The following ASIC2 variants were observed in gnomAD, a reference collection of about 807,000 sequenced individuals.
ASIC2 encodes acid-sensing ion channel 2.
In ASIC2, 25 loss-of-function variants were observed where a neutral mutation model predicts 57.3. That is an observed-to-expected ratio of 0.44 (90% confidence interval 0.32 to 0.61). ASIC2 has a LOEUF of 0.61. Among genes scored for constraint, ASIC2 ranks in the 20% least tolerant of loss-of-function variants. The pLI is 0.06. For synonymous variants in ASIC2, 319 were observed against 307.5 expected (o/e 1.04, Z -0.39); for missense variants, 641 against 738.1 (o/e 0.87, Z 1.52).
At chr17:33,912,111 G>T (rs1237630811) in intron 1 of ASIC2, among the ~76,000 whole-genome samples, 1 of 124,432 alleles carries the variant, frequency 8.0e-6, no homozygotes, top group Non-Finnish European at 1.6e-5. Flanking sequence ...TTGCACTCCA[G>T]CCTGGGTAAC....
chr17:33,030,604 A>G (rs1161906773), intron 3 of ASIC2, among the ~76,000 whole-genome samples: 4 of 152,102 alleles, frequency 2.6e-5, no homozygotes, highest in African/African-American at 9.7e-5. Context: ...TTTCCATCTT[A>G]GGAAGGAGGG....
chr17:33,658,734 A>C (rs1013305523), intron 1 of ASIC2, among the ~76,000 whole-genome samples: 6 of 152,140 alleles, frequency 3.9e-5, no homozygotes, highest in Admixed American at 1.3e-4. Flanking sequence ...TGCGGCTCAC[A>C]CCTGTAATCC....
chr17:33,512,230 A>G (rs944009887), intron 1 of ASIC2, among the ~76,000 whole-genome samples: 1 of 152,242 alleles, frequency 6.6e-6, no homozygotes. Context: ...ATGCTGAAAG[A>G]GAAGCATCTT....
At chr17:33,356,625 C>T (rs893545343) in intron 1 of ASIC2, among the ~76,000 whole-genome samples, 24 of 152,120 alleles carry the variant, frequency 1.6e-4, no homozygotes, top group South Asian at 4.1e-4. Flanking sequence ...ACTTTTAACA[C>T]GGAGCGTGTT....
chr17:33,442,262 T>A (rs1003139930), intron 1 of ASIC2, among the ~76,000 whole-genome samples: 12 of 152,216 alleles, frequency 7.9e-5, no homozygotes, highest in African/African-American at 2.9e-4. Context: ...CTATCTTATA[T>A]CCTTTAAATT....
chr17:33,153,884 T>G (rs749740935), intron 1 of ASIC2, among the ~76,000 whole-genome samples: 5 of 152,180 alleles, frequency 3.3e-5, no homozygotes, highest in Non-Finnish European at 7.3e-5. Flanking sequence ...TTGGGTTAGC[T>G]CTGAAGGGCC....
At chr17:33,196,601 G>C (rs1398920669) in intron 1 of ASIC2, among the ~76,000 whole-genome samples, 1 of 152,284 alleles carries the variant, frequency 6.6e-6, no homozygotes, top group Non-Finnish European at 1.5e-5. Flanking sequence ...TGGAGCCTGG[G>C]TCACGGCAAT....
Position 33,606,610 on chromosome 17 carries a change from CACTG to C in ASIC2, c.556-494547_556-494544del, listed in dbSNP as rs536479772. 5.1e-3 allele frequency among the ~76,000 whole-genome samples: 779 copies of C among 152,282 alleles called. 1 individual carries two copies. The highest frequency in any genetic ancestry group is 0.014 in the Middle Eastern group (4 of 294). On this transcript the variant is annotated intron_variant, in intron 1 of 9. Coordinates refer to the ASIC2 transcript ENST00000359872. ...GTGGTCTGTGCTTCTTCTCCAACTA[CACTG>C]TTGAGGGCATGGCAGTGTCTATGTA...
At chr17:33,159,701 C>G (rs1051777521) in intron 1 of ASIC2, among the ~76,000 whole-genome samples, 8 of 152,142 alleles carry the variant, frequency 5.3e-5, no homozygotes, top group African/African-American at 1.9e-4. Flanking sequence ...CAATATGGGG[C>G]TGGTTTGAAG....
chr17:33,263,313 C>T (rs1007320683), intron 1 of ASIC2, among the ~76,000 whole-genome samples: 1 of 152,222 alleles, frequency 6.6e-6, no homozygotes, highest in Non-Finnish European at 1.5e-5. Flanking sequence ...CTCACTCTCA[C>T]CATGGGCTGT....
intron 1 of ASIC2, among the ~76,000 whole-genome samples, chr17:33,372,536 C>G (rs1339982554): frequency 6.6e-6 from 1 of 152,178 alleles, no homozygotes; most frequent in Non-Finnish European, 1.5e-5. Context: ...AACTACCGCC[C>G]TTCCCAGCAT....
rs539372945 is a variant in ASIC2, at chr17:33,226,740, G to C, written c.708+64668C>G. Among the ~76,000 whole-genome samples the C allele has an allele frequency of 2.2e-4, 33 of 152,194 alleles. 1 individual carries two copies. The highest frequency in any genetic ancestry group is 6.3e-3 in the Middle Eastern group (2 of 316). ...ATGGGAAAAGGAAGAGAAGGAAAGA[G>C]TGGGCCCTAAGTATCCACAGCCAGG... On this transcript the variant is annotated intron_variant, in intron 1 of 9. Coordinates refer to ENST00000225823, the MANE Select transcript of ASIC2 (RefSeq NM_183377.2).
intron 1 of ASIC2, among the ~76,000 whole-genome samples, chr17:33,566,398 C>A (rs1208701580): frequency 6.6e-6 from 1 of 152,170 alleles, no homozygotes. Context: ...TTGAACCAGG[C>A]AGGAACACCC....
intron 1 of ASIC2, among the ~76,000 whole-genome samples, chr17:33,422,530 G>A (rs992901787): frequency 1.1e-4 from 17 of 152,346 alleles, no homozygotes; most frequent in African/African-American, 4.1e-4. Context: ...GAGTGAGGTA[G>A]TTGACAGTCC....
chr17:33,769,848 T>TCC (rs1312712133), intron 1 of ASIC2, among the ~76,000 whole-genome samples: 1 of 152,214 alleles, frequency 6.6e-6, no homozygotes, highest in Non-Finnish European at 1.5e-5. Flanking sequence ...TCTCACTGTG[T>TCC]CCTCACATGG....
At chr17:33,931,713 C>A (rs1915934559) in intron 1 of ASIC2, among the ~76,000 whole-genome samples, 1 of 152,184 alleles carries the variant, frequency 6.6e-6, no homozygotes, top group Non-Finnish European at 1.5e-5. Flanking sequence ...CACCAGCTAG[C>A]CTGAAGGTGC....
At chr17:33,088,132 C>T (rs1281233671) in intron 3 of ASIC2, among the ~76,000 whole-genome samples, 1 of 152,142 alleles carries the variant, frequency 6.6e-6, no homozygotes. Context: ...GGATTCCCTC[C>T]CAGTCACTGT....
intron 1 of ASIC2, among the ~76,000 whole-genome samples, chr17:33,245,759 G>A (rs1908667206): frequency 6.6e-6 from 1 of 152,182 alleles, no homozygotes; most frequent in African/African-American, 2.4e-5. Flanking sequence ...ACTGGGAGGA[G>A]GTCAAGTGCC....
intron 1 of ASIC2, among the ~76,000 whole-genome samples, chr17:33,950,356 G>T (rs577792673): frequency 2.0e-5 from 3 of 152,206 alleles, no homozygotes; most frequent in Non-Finnish European, 4.4e-5. Context: ...CACACAAAAA[G>T]AAGTAAAACC....
Sources: allele counts gnomAD v4.1 joint callset (sites outside exome capture counted in the v4.1 genomes callset), GRCh38; gene constraint gnomAD v4.1.1; transcripts MANE v1.5; gene names NCBI Gene and HGNC (gene_info 2026-07-23, HGNC 2026-07-21).